Variants in FOCAD observed in about 807,000 individuals in gnomAD.
FOCAD encodes the protein focadhesin.
Under a neutral mutation model 225.6 loss-of-function variants are expected in FOCAD, and 198 were observed. The observed-to-expected ratio is 0.88, with a 90% confidence interval of 0.78 to 0.99. The LOEUF (loss-of-function observed/expected upper bound fraction) is 0.99. FOCAD is among the 50% of genes least tolerant of loss of function. The pLI, the probability that FOCAD is intolerant of heterozygous loss-of-function variation, is 0.00. For missense variants in FOCAD, 2,713 were observed against 2,123.6 expected (o/e 1.28, Z -5.46); for synonymous variants, 897 against 755.0 (o/e 1.19, Z -3.08).
At chr9:20,833,871 A>G (rs1002077696) in intron 15 of FOCAD, among the ~76,000 whole-genome samples, 4 of 152,278 alleles carry the variant, frequency 2.6e-5, no homozygotes, top group Admixed American at 2.0e-4. Context: ...TGGAGAATAT[A>G]TGAAGTAACT....
At chr9:20,723,776 G>C (rs1228269220) in intron 4 of FOCAD, among the ~76,000 whole-genome samples, 3 of 152,132 alleles carry the variant, frequency 2.0e-5, no homozygotes, top group African/African-American at 7.2e-5. Flanking sequence ...GCTTGTATTA[G>C]GCTGTTCTTG....
chr9:20,977,262 C>T (rs1410478471), intron 36 of FOCAD, among the ~76,000 whole-genome samples: 1 of 152,222 alleles, frequency 6.6e-6, no homozygotes, highest in African/African-American at 2.4e-5. Flanking sequence ...CCAGGATAAT[C>T]TCTCCATCTC....
upstream of FOCAD, among the ~76,000 whole-genome samples, chr9:20,682,873 C>T (rs1324836488): frequency 6.6e-6 from 1 of 152,166 alleles, no homozygotes; most frequent in East Asian, 1.9e-4. Flanking sequence ...CGGGTTCAAG[C>T]GATTCTCCTG....
At chr9:20,822,862 T>G in intron 14 of FOCAD, 127 bp from the exon 15 acceptor site, 2 of 735,486 alleles carry the variant, frequency 2.7e-6, no homozygotes, top group Non-Finnish European at 3.9e-6. Context: ...GTGTTAATAT[T>G]TGAGGGTCAC....
In FOCAD at chr9:20,845,442, GATAT is replaced by G. The variant is rs3086547; in HGVS notation, c.1921-17115_1921-17112del. On this transcript the variant is annotated intron_variant, in intron 15 of 43. Transcript: ENST00000338382. ...GATATATTTTATGCATCTTTTCCTCGATATATATATATATATATATATATGACAC... is the reference window on the plus strand; with the variant it reads ...GATATATTTTATGCATCTTTTCCTCGATATATATATATATATATATGACAC... 1.0e-3 allele frequency among the ~76,000 whole-genome samples: 126 copies of G among 121,194 alleles called. 4 individuals carry two copies. The highest frequency in any genetic ancestry group is 6.6e-3 in the South Asian group (24 of 3,624). 79.5% of individuals were successfully genotyped at this position (121,194 alleles called of 152,430 possible).
chr9:20,812,196 C>G (rs1823152181), intron 11 of FOCAD, among the ~76,000 whole-genome samples: 1 of 152,032 alleles, frequency 6.6e-6, no homozygotes, highest in East Asian at 1.9e-4. Context: ...TTTTGCCTCT[C>G]ACTTTCATTG....
rs1829300296 is a variant in FOCAD, at chr9:20,866,781, T to C, written c.2107-148T>C. 1.9e-5 allele frequency: 10 copies of C among 523,828 alleles called. No individual in the cohort carries two copies. The South Asian group carries it at 2.8e-4, about 15-fold the overall frequency. The allele number at this position is 523,828 out of a possible 1,614,324, so 32.4% of individuals were successfully genotyped here. A position where few individuals can be genotyped will look rare whatever the true frequency, so the allele number is the denominator to read the frequency against. ...TCCTTTTAGCTAGGCAAAGCTTTAA[T>C]ACCATTTTCAAAGCACTGACTGTAG... On this transcript the variant is annotated intron_variant, in intron 17 of 43. Transcript: ENST00000338382.
intron 27 of FOCAD, among the ~76,000 whole-genome samples, chr9:20,931,969 A>G (rs1444314616): frequency 2.0e-5 from 3 of 152,048 alleles, no homozygotes; most frequent in Non-Finnish European, 4.4e-5. Context: ...GGCTTATGAA[A>G]AAGTCTCCTG....
At chr9:20,805,051 C>T (rs10964710) in intron 11 of FOCAD, among the ~76,000 whole-genome samples, 1,957 of 152,228 alleles carry the variant, frequency 0.013, 35 homozygotes, top group East Asian at 0.043. Flanking sequence ...ATAGTTTCCG[C>T]AGGGAAATTC....
chr9:20,867,052 C>T lies in FOCAD; in HGVS notation c.2190+40C>T, dbSNP rs188981616. ...TTTCTCACTGGTATTTCTTAATTTG[C>T]TAGGGTTTACAACTTTTTCTCTCTC... On this transcript the variant is annotated intron_variant, in intron 18 of 43. Transcript: ENST00000338382. 1.0e-5 allele frequency: 14 copies of T among 1,356,196 alleles called. No homozygotes were observed. The Admixed American group carries it at 2.5e-4, about 25-fold the overall frequency. The allele number at this position is 1,356,196 out of a possible 1,614,324, so 84.0% of individuals were successfully genotyped here.
At chr9:20,804,186 C>G (rs189496189) in intron 11 of FOCAD, among the ~76,000 whole-genome samples, 1 of 151,924 alleles carries the variant, frequency 6.6e-6, no homozygotes, top group Admixed American at 6.6e-5. Context: ...TTAGCTTAAG[C>G]TTTCCTTGGT....
chr9:20,934,244 G>A (rs913277382), intron 28 of FOCAD, among the ~76,000 whole-genome samples: 3 of 152,078 alleles, frequency 2.0e-5, no homozygotes, highest in Admixed American at 2.0e-4. Flanking sequence ...GTTTTTAACT[G>A]CATTTGCTTT....
At position 20,758,098 on chromosome 9, in the gene FOCAD, C is replaced by T. The variant is rs143814736; in HGVS notation, c.401C>T (p.Pro134Leu). ...CTTTCTGTGTCTTTCAGAAATCATC[C>T]TCATCCTTTGATAACTGTGCTTGAA... ...IQSIYTIRNH[P>L]HPLITVLEHR... The change falls in exon 6 of 44, where the codon CCT (proline) becomes CTT (leucine). Residue 134 changes from proline (P) to leucine (L), a missense_variant. Physicochemically the swap from Pro to Leu is moderately conservative, Grantham distance 98. Transcript: ENST00000338382. 2.3e-4 allele frequency: 367 copies of T among 1,604,624 alleles called. No individual in the cohort carries two copies. The highest frequency in any genetic ancestry group is 2.9e-4 in the Admixed American group (17 of 57,732).
chr9:20,781,979 T>G (rs1453764606), intron 10 of FOCAD, 50 bp downstream of exon 10: 2 of 1,546,558 alleles, frequency 1.3e-6, no homozygotes, highest in South Asian at 1.1e-5. Flanking sequence ...ATGTGGGATT[T>G]CGGTCTTTAC....
intron 15 of FOCAD, among the ~76,000 whole-genome samples, chr9:20,842,967 C>G (rs1826691778): frequency 6.6e-6 from 1 of 151,878 alleles, no homozygotes; most frequent in East Asian, 1.9e-4. Context: ...GAACCTAACT[C>G]TGTAAAAACA....
intron 35 of FOCAD, among the ~76,000 whole-genome samples, chr9:20,963,758 C>T (rs550645780): frequency 2.0e-4 from 31 of 152,306 alleles, no homozygotes; most frequent in Admixed American, 2.0e-3. Context: ...CTGCAATCTG[C>T]AGCCAATGTT....
intron 1 of FOCAD, among the ~76,000 whole-genome samples, chr9:20,703,200 G>A (rs1382949702): frequency 2.0e-5 from 3 of 152,066 alleles, no homozygotes; most frequent in Admixed American, 6.6e-5. Context: ...TGGGGGGATA[G>A]GGAAGGTTCG....
intron 5 of FOCAD, among the ~76,000 whole-genome samples, chr9:20,756,336 G>A (rs1218057159): frequency 6.6e-6 from 1 of 152,100 alleles, no homozygotes; most frequent in Non-Finnish European, 1.5e-5. Context: ...CACAAACTGT[G>A]TGGTAGTGTC....
At chr9:20,852,514 A>G (rs113969956) in intron 15 of FOCAD, among the ~76,000 whole-genome samples, 265 of 151,838 alleles carry the variant, frequency 1.7e-3, no homozygotes, top group Non-Finnish European at 2.1e-3. Context: ...TTGAACGTGT[A>G]ATCAGGTTAT....
Sources: gnomAD v4.1 joint callset for allele counts (sites outside exome capture counted in the v4.1 genomes callset) on GRCh38, gnomAD v4.1.1 for gene constraint, MANE v1.5 for transcripts, NCBI Gene and HGNC (gene_info 2026-07-23, HGNC 2026-07-21) for gene names.